RAD51B: variants seen among roughly 807,000 people sequenced by gnomAD.
The protein encoded by RAD51B is DNA repair protein RAD51 homolog 2.
Under a neutral mutation model 42.2 loss-of-function variants are expected in RAD51B, and 38 were observed. The observed-to-expected ratio is 0.90, with a 90% CI of 0.70 to 1.18. The LOEUF (loss-of-function observed/expected upper bound fraction) is 1.18, where lower values mean the gene tolerates loss of function less well. Ranked by LOEUF, RAD51B falls within the 50% of genes most tolerant of loss-of-function variation. The pLI is 0.00. For synonymous variants in RAD51B, 154 were observed against 145.2 expected, an observed-to-expected ratio of 1.06 and a Z score of -0.43; for missense variants, 373 against 400.7, an observed-to-expected ratio of 0.93 and a Z score of 0.59.
At chr14:68,282,975 G>T (rs1017338091) in intron 7 of RAD51B, among the ~76,000 whole-genome samples, 2 of 152,166 alleles carry the variant, frequency 1.3e-5, no homozygotes, top group Admixed American at 1.3e-4. Context: ...GGGTATCAAT[G>T]TTGGTATTTA....
intron 7 of RAD51B, among the ~76,000 whole-genome samples, chr14:67,998,703 C>T (rs555385978): frequency 6.6e-6 from 1 of 152,264 alleles, no homozygotes; most frequent in African/African-American, 2.4e-5. Context: ...GCTAGTTCAG[C>T]CTTACTACTA....
intron 8 of RAD51B, among the ~76,000 whole-genome samples, chr14:68,312,749 T>G (rs2081987366): frequency 6.6e-6 from 1 of 152,250 alleles, no homozygotes; most frequent in Non-Finnish European, 1.5e-5. Flanking sequence ...TTATAGCCTT[T>G]CTATTTGAGG....
intron 9 of RAD51B, among the ~76,000 whole-genome samples, chr14:68,457,888 C>T (rs1212101141): frequency 6.9e-6 from 1 of 145,600 alleles, no homozygotes; most frequent in African/African-American, 2.5e-5. Flanking sequence ...GCTGGGATTA[C>T]AGGCGTGAGC....
intron 7 of RAD51B, among the ~76,000 whole-genome samples, chr14:68,095,268 G>A (rs994703731): frequency 6.6e-6 from 1 of 151,808 alleles, no homozygotes. Flanking sequence ...ATTGAACACT[G>A]ACTAATTACC....
At chr14:68,308,995 T>C (rs752631090) in intron 8 of RAD51B, among the ~76,000 whole-genome samples, 1 of 152,240 alleles carries the variant, frequency 6.6e-6, no homozygotes, top group Non-Finnish European at 1.5e-5. Context: ...CTCGCTGTCA[T>C]GTCATAACAC....
intron 9 of RAD51B, among the ~76,000 whole-genome samples, chr14:68,417,067 A>G (rs2094221692): frequency 6.6e-6 from 1 of 152,202 alleles, no homozygotes; most frequent in African/African-American, 2.4e-5. Context: ...AAAGAAAGAT[A>G]TCGAGGATGA....
chr14:68,104,577 C>T (rs1447192646), intron 7 of RAD51B, among the ~76,000 whole-genome samples: 1 of 152,138 alleles, frequency 6.6e-6, no homozygotes, highest in Non-Finnish European at 1.5e-5. Flanking sequence ...ATTCTACTAG[C>T]AGTCATTCAG....
At chr14:68,664,510 T>C (rs1385765290) in intron 11 of RAD51B, among the ~76,000 whole-genome samples, 1 of 152,184 alleles carries the variant, frequency 6.6e-6, no homozygotes, top group Non-Finnish European at 1.5e-5. Context: ...TTAGCTGATA[T>C]AGGGCAAAAC....
At chr14:68,176,959 A>G (rs898680000) in intron 7 of RAD51B, among the ~76,000 whole-genome samples, 1 of 152,172 alleles carries the variant, frequency 6.6e-6, no homozygotes, top group South Asian at 2.1e-4. Context: ...GATCTGCTCT[A>G]AATCACTCTG....
intron 7 of RAD51B, among the ~76,000 whole-genome samples, chr14:68,186,468 CA>C (rs2079159533): frequency 6.6e-6 from 1 of 152,132 alleles, no homozygotes; most frequent in African/African-American, 2.4e-5. Context: ...ATGCATCTGA[CA>C]AAGGTGTAAT....
downstream of RAD51B, among the ~76,000 whole-genome samples, chr14:68,482,042 C>A (rs771571769): frequency 1.3e-5 from 2 of 152,120 alleles, no homozygotes; most frequent in Admixed American, 1.3e-4. Flanking sequence ...CATTCTTCCC[C>A]GTGAGCTGAT....
At chr14:68,537,142 A>G (rs1253592251) in intron 10 of RAD51B, among the ~76,000 whole-genome samples, 2 of 151,156 alleles carry the variant, frequency 1.3e-5, no homozygotes, top group East Asian at 3.9e-4. Context: ...GACTGTCACA[A>G]TAATAGCACA....
At chr14:68,105,805 A>C (rs2140566106) in intron 7 of RAD51B, among the ~76,000 whole-genome samples, 1 of 152,108 alleles carries the variant, frequency 6.6e-6, no homozygotes, top group South Asian at 2.1e-4. Context: ...AACAAGCAGC[A>C]TTTACAAGCA....
intron 7 of RAD51B, among the ~76,000 whole-genome samples, chr14:67,925,808 C>T (rs988424032): frequency 1.5e-4 from 23 of 152,220 alleles, no homozygotes; most frequent in Admixed American, 1.3e-3. Flanking sequence ...GACTTCTGTG[C>T]ACTGGCAGGC....
chr14:68,421,637 G>C (rs1215239722), intron 9 of RAD51B: 36 of 1,328,226 alleles, frequency 2.7e-5, no homozygotes, highest in Non-Finnish European at 3.7e-5. Context: ...CGGGGTGGAG[G>C]GGTGCTCTCC....
chr14:68,138,831 G>C (rs2078063782), intron 7 of RAD51B, among the ~76,000 whole-genome samples: 1 of 152,174 alleles, frequency 6.6e-6, no homozygotes, highest in Non-Finnish European at 1.5e-5. Context: ...CCTAAGAGCT[G>C]TGCTTTTCTA....
At chr14:68,253,942 A>G (rs974246409) in intron 7 of RAD51B, among the ~76,000 whole-genome samples, 2 of 152,240 alleles carry the variant, frequency 1.3e-5, no homozygotes, top group African/African-American at 4.8e-5. Context: ...AAAAATATGC[A>G]TCATTTATTC....
intron 7 of RAD51B, among the ~76,000 whole-genome samples, chr14:68,262,676 C>G (rs912178397): frequency 3.9e-5 from 6 of 152,090 alleles, no homozygotes; most frequent in Non-Finnish European, 7.3e-5. Context: ...CAATATGAAG[C>G]CTGGCATTTG....
intron 7 of RAD51B, among the ~76,000 whole-genome samples, chr14:68,087,490 A>G (rs1331820335): frequency 6.6e-6 from 1 of 152,108 alleles, no homozygotes; most frequent in Non-Finnish European, 1.5e-5. Context: ...CTGGATTATT[A>G]TAGTATTATG....
Sources: gnomAD v4.1 joint callset for allele counts (sites outside exome capture counted in the v4.1 genomes callset) on GRCh38, gnomAD v4.1.1 for gene constraint, MANE v1.5 for transcripts, NCBI Gene and HGNC (gene_info 2026-07-23, HGNC 2026-07-21) for gene names.